Variants in NRXN1 observed in about 807,000 individuals in gnomAD.
The protein encoded by NRXN1 is neurexin-1.
NRXN1 carries 39 observed loss-of-function variants against 150.9 expected under a neutral mutation model. That is an observed-to-expected ratio of 0.26 (90% CI 0.20 to 0.34). NRXN1 has a LOEUF of 0.34. NRXN1 is among the 10% of genes least tolerant of loss of function. The probability of loss-of-function intolerance (pLI) is 1.00; values close to 1 mark genes in which losing one functional copy is unlikely to be tolerated. For missense variants in NRXN1, 1,815 were observed against 1,949.9 expected (o/e 0.93, Z 1.30); for synonymous variants, 924 against 757.0 (o/e 1.22, Z -3.62).
At chr2:50,899,172 CACTT>C (rs1682512924) in intron 5 of NRXN1, among the ~76,000 whole-genome samples, 1 of 152,144 alleles carries the variant, frequency 6.6e-6, no homozygotes, top group Admixed American at 6.5e-5. Flanking sequence ...TCCTGATTTT[CACTT>C]ACTTCCAAGC....
chr2:50,149,161 A>T (rs1308613431), intron 18 of NRXN1, among the ~76,000 whole-genome samples: 2 of 151,784 alleles, frequency 1.3e-5, no homozygotes, highest in African/African-American at 4.8e-5. Flanking sequence ...TTTTAAAGAT[A>T]AATTGCTGGA....
chr2:50,168,632 C>A (rs1294231211), intron 18 of NRXN1, among the ~76,000 whole-genome samples: 2 of 151,942 alleles, frequency 1.3e-5, no homozygotes, highest in Non-Finnish European at 2.9e-5. Context: ...GATTCTGGAG[C>A]CTAAATAAGG....
intron 18 of NRXN1, among the ~76,000 whole-genome samples, chr2:50,235,163 A>G (rs2065300302): frequency 6.6e-6 from 1 of 151,978 alleles, no homozygotes; most frequent in African/African-American, 2.4e-5. Flanking sequence ...TTATTTATTT[A>G]TTTTTTGAAG....
chr2:50,901,719 A>G (rs1682981893), intron 5 of NRXN1, among the ~76,000 whole-genome samples: 2 of 152,198 alleles, frequency 1.3e-5, no homozygotes, highest in Non-Finnish European at 2.9e-5. Flanking sequence ...TAAGAAAAAA[A>G]TGTGATTTGA....
intron 2 of NRXN1, among the ~76,000 whole-genome samples, chr2:50,989,598 T>G (rs1232309808): frequency 1.3e-5 from 2 of 151,980 alleles, no homozygotes; most frequent in Non-Finnish European, 1.5e-5. Flanking sequence ...GAAAACCATA[T>G]GAGATTCAGC....
At position 50,552,986 on chromosome 2, in the gene NRXN1, G is replaced by C. The variant is rs938512063; in HGVS notation, c.1360C>G (p.Arg454Gly). Residue 454 changes from arginine (R) to glycine (G), a missense_variant, in exon 9 of 23, where the codon CGA becomes GGA. Arg to Gly is a moderately radical substitution (Grantham distance 125). Around this residue, in one of 6 missense-constraint regions of NRXN1, gnomAD observed 638 missense variants for 652.6 expected, o/e 0.98. Coordinates refer to ENST00000401669, the MANE Select transcript of NRXN1 (RefSeq NM_001330078.2). ...KNNDVRLELS[R>G]LAKQGDPKMK... is the part of the protein sequence containing the mutation. ...TTAGGATCTCCTTGCTTGGCAAGTC[G>C]AGATAATTCCAGCCTCACATCATTA... The C allele has an allele frequency of 1.9e-6, 3 of 1,612,510 alleles. No homozygotes were observed. The highest frequency in any genetic ancestry group is 2.5e-6 in the Non-Finnish European group (3 of 1,179,150).
chr2:50,866,404 A>G (rs2106067801), intron 5 of NRXN1, among the ~76,000 whole-genome samples: 1 of 152,048 alleles, frequency 6.6e-6, no homozygotes, highest in South Asian at 2.1e-4. Context: ...TTATTATCCA[A>G]TGCTGAAATC....
intron 18 of NRXN1, among the ~76,000 whole-genome samples, chr2:50,225,963 G>T (rs1257581906): frequency 1.3e-5 from 2 of 151,922 alleles, no homozygotes; most frequent in African/African-American, 2.4e-5. Flanking sequence ...TAAAGGGTAG[G>T]GTTGTTTGAC....
At chr2:50,922,024 G>C (rs1686118494) in intron 4 of NRXN1, 144 bp from the exon 5 acceptor site, 1 of 447,940 alleles carries the variant, frequency 2.2e-6, no homozygotes, top group Non-Finnish European at 4.0e-6. Flanking sequence ...TATAAACAAG[G>C]TTTTGAAGAC....
chr2:50,574,603 T>C (rs113460808), intron 8 of NRXN1, among the ~76,000 whole-genome samples: 71 of 152,298 alleles, frequency 4.7e-4, no homozygotes, highest in African/African-American at 1.6e-3. Flanking sequence ...AACGTCTACC[T>C]AGGAGAGAAA....
intron 17 of NRXN1, among the ~76,000 whole-genome samples, chr2:50,379,933 A>G (rs2080829407): frequency 6.6e-6 from 1 of 152,138 alleles, no homozygotes; most frequent in African/African-American, 2.4e-5. Context: ...CCCAGTAAAT[A>G]GTAGTAACAA....
intron 12 of NRXN1, among the ~76,000 whole-genome samples, chr2:50,509,822 C>A (rs1204672533): frequency 6.6e-6 from 1 of 152,096 alleles, no homozygotes; most frequent in African/African-American, 2.4e-5. Flanking sequence ...ATGTGTGTGT[C>A]CCTCAGAATT....
At chr2:50,168,145 G>C (rs1388137275) in intron 18 of NRXN1, among the ~76,000 whole-genome samples, 1 of 152,090 alleles carries the variant, frequency 6.6e-6, no homozygotes. Context: ...TGTACAAACA[G>C]TCTGGTGATG....
At chr2:50,528,771 A>G (rs903007165) in intron 11 of NRXN1, 120 bp from the exon 12 acceptor site, 6 of 618,466 alleles carry the variant, frequency 9.7e-6, no homozygotes, top group Non-Finnish European at 1.7e-5. Flanking sequence ...TGGCCACTCC[A>G]TATCATTATT....
chr2:50,619,861 G>T, intron 8 of NRXN1, 161 bp downstream of exon 8: 1 of 548,046 alleles, frequency 1.8e-6, no homozygotes, highest in Non-Finnish European at 3.1e-6. Context: ...TCTATGAGCT[G>T]TTTCCCTCCC....
At chr2:50,483,637 G>C (rs1221922202) in intron 15 of NRXN1, among the ~76,000 whole-genome samples, 2 of 152,114 alleles carry the variant, frequency 1.3e-5, no homozygotes, top group Non-Finnish European at 2.9e-5. Context: ...CTTCTGAAAA[G>C]TTTAGTTACC....
intron 21 of NRXN1, among the ~76,000 whole-genome samples, chr2:49,986,670 T>G (rs915675589): frequency 6.6e-6 from 1 of 152,236 alleles, no homozygotes; most frequent in Non-Finnish European, 1.5e-5. Context: ...GCATACAACA[T>G]GTAATAATCA....
At chr2:50,940,367 T>C (rs974070162) in intron 2 of NRXN1, among the ~76,000 whole-genome samples, 4 of 150,528 alleles carry the variant, frequency 2.7e-5, no homozygotes, top group East Asian at 3.9e-4. Flanking sequence ...CCCAGCTACA[T>C]GGGAGGCTTA....
chr2:50,253,518 T>G (rs1470907793), intron 17 of NRXN1, among the ~76,000 whole-genome samples: 3 of 152,196 alleles, frequency 2.0e-5, no homozygotes, highest in African/African-American at 7.2e-5. Context: ...TTCCAGCTTT[T>G]TCCCATTCTG....
Sources: gnomAD v4.1 joint callset for allele counts (sites outside exome capture counted in the v4.1 genomes callset) on GRCh38, gnomAD v4.1.1 for gene constraint, gnomAD v4.1.1 regional missense constraint, MANE v1.5 for transcripts, NCBI Gene and HGNC (gene_info 2026-07-23, HGNC 2026-07-21) for gene names.